RAD51B: variants seen among roughly 807,000 people sequenced by gnomAD.
RAD51B encodes DNA repair protein RAD51 homolog 2.
A neutral mutation model predicts 42.2 loss-of-function variants in RAD51B; 38 were observed. That is an observed-to-expected ratio of 0.90 (90% confidence interval 0.70 to 1.18). RAD51B has a LOEUF of 1.18. Ranked by LOEUF, RAD51B falls within the 50% of genes most tolerant of loss-of-function variation. The pLI is 0.00. For synonymous variants in RAD51B, 154 were observed against 145.2 expected (o/e 1.06, Z -0.43); for missense variants, 373 against 400.7 (o/e 0.93, Z 0.59).
At chr14:67,922,640 T>A (rs2044362137) in intron 7 of RAD51B, among the ~76,000 whole-genome samples, 1 of 151,646 alleles carries the variant, frequency 6.6e-6, no homozygotes, top group Non-Finnish European at 1.5e-5. Context: ...TCTGAGATTT[T>A]GGTGCACCCA....
At chr14:68,146,603 A>T (rs1023010180) in intron 7 of RAD51B, among the ~76,000 whole-genome samples, 5 of 152,184 alleles carry the variant, frequency 3.3e-5, no homozygotes, top group Non-Finnish European at 7.3e-5. Context: ...TCTCTATTAG[A>T]GGACCCTGGC....
intron 7 of RAD51B, among the ~76,000 whole-genome samples, chr14:67,921,567 TCACA>T (rs3219795): frequency 0.35 from 43,653 of 125,356 alleles, 7,441 homozygotes; most frequent in Non-Finnish European, 0.4. Context: ...TATGTGCACA[TCACA>T]CACACACACA....
intron 9 of RAD51B, among the ~76,000 whole-genome samples, chr14:68,464,644 A>G (rs2085929012): frequency 6.6e-6 from 1 of 152,226 alleles, no homozygotes; most frequent in South Asian, 2.1e-4. Context: ...ACTTAATGGT[A>G]TTAGCACCCA....
chr14:68,479,114 A>G (rs1231344558), downstream of RAD51B, among the ~76,000 whole-genome samples: 1 of 152,216 alleles, frequency 6.6e-6, no homozygotes, highest in Non-Finnish European at 1.5e-5. Flanking sequence ...CAGAGCAGGA[A>G]GATGTCCCAG....
At chr14:68,064,936 T>TTTTTG in intron 7 of RAD51B, among the ~76,000 whole-genome samples, 1 of 152,364 alleles carries the variant, frequency 6.6e-6, no homozygotes, top group South Asian at 2.1e-4. Flanking sequence ...TTAAGATTTT[T>TTTTTG]GCTTTGATTT....
At chr14:68,552,050 C>T (rs909525561) in intron 10 of RAD51B, among the ~76,000 whole-genome samples, 4 of 152,072 alleles carry the variant, frequency 2.6e-5, no homozygotes, top group African/African-American at 9.7e-5. Context: ...CCATTCTGTG[C>T]GTGTTTGTTT....
chr14:67,909,198 C>A (rs1407927230), intron 7 of RAD51B, among the ~76,000 whole-genome samples: 2 of 151,826 alleles, frequency 1.3e-5, no homozygotes, highest in Admixed American at 1.3e-4. Flanking sequence ...AACTGCTGTT[C>A]CAGAGAATAG....
At chr14:67,918,457 A>G (rs1425916195) in intron 7 of RAD51B, among the ~76,000 whole-genome samples, 1 of 151,970 alleles carries the variant, frequency 6.6e-6, no homozygotes, top group Non-Finnish European at 1.5e-5. Flanking sequence ...CTAGTCTCAA[A>G]CTCCTGACCT....
intron 10 of RAD51B, chr14:68,468,952 C>A: frequency 3.6e-6 from 1 of 280,794 alleles, no homozygotes; most frequent in East Asian, 7.9e-5. Context: ...CAGGTCTTTC[C>A]AGAAAGCAAT....
At chr14:68,049,404 CA>C (rs1332584708) in intron 7 of RAD51B, among the ~76,000 whole-genome samples, 1 of 152,098 alleles carries the variant, frequency 6.6e-6, no homozygotes, top group Non-Finnish European at 1.5e-5. Context: ...GTCCAGGAAT[CA>C]GTAACTTGGA....
In RAD51B at chr14:67,902,026, A is replaced by G. The variant is rs116293107; in HGVS notation, c.756+14822A>G. Among the ~76,000 whole-genome samples, 1,053 of 152,252 alleles carry G rather than the reference A, an allele frequency of 6.9e-3. 12 individuals carry two copies. Among genetic ancestry groups the G allele is most frequent in the African/African-American group, 0.024 (988 of 41,538 alleles). On this transcript the variant is annotated intron_variant, in intron 7 of 10. Transcript: ENST00000471583. ...CAATATATCCATGTAACAAAATTAC[A>G]CTGTATCCCATACATTTATATAAAT...
At chr14:68,071,500 C>T (rs72725183) in intron 7 of RAD51B, among the ~76,000 whole-genome samples, 19,205 of 152,054 alleles carry the variant, frequency 0.13, 1,381 homozygotes, top group Middle Eastern at 0.28. Flanking sequence ...GCCTTTCTTG[C>T]GGCTATTGAG....
At chr14:68,291,536 T>G (rs2081516968) in intron 7 of RAD51B, among the ~76,000 whole-genome samples, 1 of 152,224 alleles carries the variant, frequency 6.6e-6, no homozygotes, top group Non-Finnish European at 1.5e-5. Flanking sequence ...TGATAAAATG[T>G]GTACATGTGC....
chr14:68,089,507 C>T (rs982318371), intron 7 of RAD51B, among the ~76,000 whole-genome samples: 9 of 152,224 alleles, frequency 5.9e-5, no homozygotes, highest in Non-Finnish European at 1.2e-4. Flanking sequence ...TGCTGGTTCC[C>T]TGGGGTGTAT....
At chr14:68,289,733 A>G (rs1300818018) in intron 7 of RAD51B, among the ~76,000 whole-genome samples, 7 of 152,078 alleles carry the variant, frequency 4.6e-5, no homozygotes, top group African/African-American at 1.7e-4. Flanking sequence ...AAAAAGAGCA[A>G]TGAACACAGT....
At chr14:68,467,828 T>C (rs1282690739) in intron 9 of RAD51B, among the ~76,000 whole-genome samples, 1 of 152,266 alleles carries the variant, frequency 6.6e-6, no homozygotes, top group East Asian at 1.9e-4. Flanking sequence ...CAGCTAAGTT[T>C]ATAAATAAAA....
chr14:68,269,424 G>A (rs929838336), intron 7 of RAD51B, among the ~76,000 whole-genome samples: 4 of 152,130 alleles, frequency 2.6e-5, no homozygotes, highest in African/African-American at 7.2e-5. Flanking sequence ...CCAGGGCATC[G>A]TAAGCATCTT....
intron 11 of RAD51B, among the ~76,000 whole-genome samples, chr14:68,674,871 G>A (rs532635014): frequency 2.0e-5 from 3 of 152,184 alleles, no homozygotes; most frequent in African/African-American, 7.2e-5. Flanking sequence ...ACTTCTCCCT[G>A]TGGAAGGGGA....
intron 8 of RAD51B, among the ~76,000 whole-genome samples, chr14:68,318,615 C>T (rs1372994347): frequency 3.3e-5 from 5 of 152,150 alleles, no homozygotes; most frequent in Non-Finnish European, 5.9e-5. Context: ...TTTGCATGGA[C>T]GGTCTACCTA....
Sources: gnomAD v4.1 joint callset for allele counts (sites outside exome capture counted in the v4.1 genomes callset) on GRCh38, gnomAD v4.1.1 for gene constraint, MANE v1.5 for transcripts, NCBI Gene and HGNC (gene_info 2026-07-23, HGNC 2026-07-21) for gene names.